PRR16: variants seen among roughly 807,000 people sequenced by gnomAD.
PRR16 encodes protein Largen.
In PRR16, 6 loss-of-function variants were observed where a neutral mutation model predicts 18.2. The ratio of observed to expected loss-of-function variants is 0.33; its 90% CI spans 0.18 to 0.65. The LOEUF is 0.65. Ranked by LOEUF, PRR16 falls within the 30% of genes least tolerant of loss-of-function variation. The probability of loss-of-function intolerance (pLI) is 0.74; values close to 1 mark genes in which losing one functional copy is unlikely to be tolerated. For missense variants in PRR16, 412 were observed against 376.6 expected, an observed-to-expected ratio of 1.09 and a Z score of -0.78; for synonymous variants, 151 against 147.8, an observed-to-expected ratio of 1.02 and a Z score of -0.16.
At chr5:120,572,345 T>C (rs73252040) in intron 1 of PRR16, among the ~76,000 whole-genome samples, 1,780 of 152,282 alleles carry the variant, frequency 0.012, 40 homozygotes, top group African/African-American at 0.04. Context: ...GTGAACATCT[T>C]CTAAGTTTGG....
chr5:120,771,124 CTAAG>C, the PRR16 span, among the ~76,000 whole-genome samples: 1 of 151,784 alleles, frequency 6.6e-6, no homozygotes, highest in Non-Finnish European at 1.5e-5. Flanking sequence ...TTTTTGTTGA[CTAAG>C]TAAAGAATAA....
At chr5:120,498,948 G>C (rs946468405) in intron 1 of PRR16, among the ~76,000 whole-genome samples, 10 of 148,922 alleles carry the variant, frequency 6.7e-5, no homozygotes, top group Non-Finnish European at 1.2e-4. Flanking sequence ...CTACTTTAAA[G>C]ATTATTTCTC....
the PRR16 span, among the ~76,000 whole-genome samples, chr5:120,791,345 C>T: frequency 5.9e-5 from 9 of 151,910 alleles, no homozygotes; most frequent in Non-Finnish European, 1.2e-4. Flanking sequence ...GTATATTTTT[C>T]ACTATGACTT....
the PRR16 span, among the ~76,000 whole-genome samples, chr5:120,769,866 C>T: frequency 6.6e-6 from 1 of 151,880 alleles, no homozygotes; most frequent in East Asian, 1.9e-4. Flanking sequence ...TCCTCACTGA[C>T]ACTTGTTTTC....
the PRR16 span, among the ~76,000 whole-genome samples, chr5:120,766,858 T>C: frequency 0.26 from 40,091 of 151,794 alleles, 5,634 homozygotes; most frequent in Non-Finnish European, 0.3. Flanking sequence ...TAATCCTGGT[T>C]AATTGTCAAT....
At chr5:120,734,250 G>A in the PRR16 span, among the ~76,000 whole-genome samples, 708 of 152,296 alleles carry the variant, frequency 4.6e-3, 3 homozygotes, top group South Asian at 0.014. Flanking sequence ...CCGCATAAGG[G>A]GAAGTAGCTG....
chr5:120,714,130 A>AT, the PRR16 span, among the ~76,000 whole-genome samples: 1 of 152,138 alleles, frequency 6.6e-6, no homozygotes, highest in African/African-American at 2.4e-5. Flanking sequence ...ATGATATTAA[A>AT]TCACAATATT....
chr5:120,652,267 T>A (rs1384483026), intron 1 of PRR16, among the ~76,000 whole-genome samples: 2 of 152,106 alleles, frequency 1.3e-5, no homozygotes, highest in African/African-American at 4.8e-5. Flanking sequence ...TACATGGACA[T>A]CATGAATTGG....
chr5:120,652,703 TAAG>T (rs1408701666), intron 1 of PRR16, among the ~76,000 whole-genome samples: 2 of 151,826 alleles, frequency 1.3e-5, no homozygotes, highest in South Asian at 2.1e-4. Flanking sequence ...TGAGAGAGCC[TAAG>T]GAGACATGAT....
At chr5:120,520,357 T>C (rs1414213985) in intron 1 of PRR16, among the ~76,000 whole-genome samples, 1 of 152,122 alleles carries the variant, frequency 6.6e-6, no homozygotes, top group East Asian at 1.9e-4. Context: ...ATCATGCCAC[T>C]GCACTCCAGC....
chr5:120,735,497 TA>T, the PRR16 span, among the ~76,000 whole-genome samples: 6 of 152,212 alleles, frequency 3.9e-5, no homozygotes. Flanking sequence ...TGGAATTTTT[TA>T]AATAGTGGAC....
At chr5:120,480,496 T>C (rs1485244564) in intron 1 of PRR16, among the ~76,000 whole-genome samples, 14 of 152,216 alleles carry the variant, frequency 9.2e-5, no homozygotes. Flanking sequence ...GTTTTTCTTT[T>C]TGTGCTCCCA....
At chr5:120,586,730 TG>T (rs1753457013) in intron 1 of PRR16, among the ~76,000 whole-genome samples, 1 of 152,148 alleles carries the variant, frequency 6.6e-6, no homozygotes, top group Non-Finnish European at 1.5e-5. Flanking sequence ...TTCCTCTCCT[TG>T]GTCCTCTCTG....
At chr5:120,620,934 A>C (rs1420413725) in intron 1 of PRR16, among the ~76,000 whole-genome samples, 2 of 152,284 alleles carry the variant, frequency 1.3e-5, no homozygotes, top group African/African-American at 4.8e-5. Flanking sequence ...TAGAAAGCAG[A>C]ACTTCAGAAT....
intron 1 of PRR16, among the ~76,000 whole-genome samples, chr5:120,665,456 G>A (rs1756336799): frequency 6.6e-6 from 1 of 152,082 alleles, no homozygotes; most frequent in Non-Finnish European, 1.5e-5. Context: ...AAGCTCTTTA[G>A]TTTAATTAGA....
chr5:120,480,738 A>T (rs968403945), intron 1 of PRR16, among the ~76,000 whole-genome samples: 3 of 152,176 alleles, frequency 2.0e-5, no homozygotes, highest in African/African-American at 7.2e-5. Context: ...GGAATGAAGA[A>T]TATATTTAAG....
the PRR16 span, among the ~76,000 whole-genome samples, chr5:120,708,073 TG>T: frequency 6.6e-6 from 1 of 152,232 alleles, no homozygotes; most frequent in Admixed American, 6.5e-5. Context: ...TGTAATAATT[TG>T]TCTTGATTTT....
chr5:120,596,394 C>T (rs1384993872), intron 1 of PRR16, among the ~76,000 whole-genome samples: 1 of 151,830 alleles, frequency 6.6e-6, no homozygotes, highest in East Asian at 1.9e-4. Flanking sequence ...ATTGAAAAAC[C>T]TGAGGACCAA....
intron 1 of PRR16, among the ~76,000 whole-genome samples, chr5:120,565,406 T>C (rs1375131010): frequency 6.6e-6 from 1 of 152,186 alleles, no homozygotes; most frequent in Non-Finnish European, 1.5e-5. Flanking sequence ...TGAGATGAAA[T>C]TTTTAGTCTC....
Sources: gnomAD v4.1 joint callset for allele counts (sites outside exome capture counted in the v4.1 genomes callset) on GRCh38, gnomAD v4.1.1 for gene constraint, MANE v1.5 for transcripts, NCBI Gene and HGNC (gene_info 2026-07-23, HGNC 2026-07-21) for gene names.